PRKAG2: variants seen among roughly 807,000 people sequenced by gnomAD.
The protein encoded by PRKAG2 is protein kinase AMP-activated non-catalytic subunit gamma 2, also known as 5'-AMP-activated protein kinase subunit gamma-2.
Under a neutral mutation model 69.6 loss-of-function variants are expected in PRKAG2, and 26 were observed. The observed-to-expected ratio is 0.37, with a 90% CI of 0.27 to 0.52. PRKAG2 has a LOEUF of 0.52. Ranked by LOEUF, PRKAG2 falls within the 20% of genes least tolerant of loss-of-function variation. PRKAG2 has a pLI of 0.90. For missense variants in PRKAG2, 557 were observed against 740.0 expected (o/e 0.75, Z 2.87); for synonymous variants, 293 against 285.0 (o/e 1.03, Z -0.28).
At chr7:151,760,210 T>C (rs2151755483) in intron 3 of PRKAG2, among the ~76,000 whole-genome samples, 1 of 151,800 alleles carries the variant, frequency 6.6e-6, no homozygotes, top group Middle Eastern at 3.4e-3. Flanking sequence ...CCTGCTTTGC[T>C]TCCTTACTTC....
chr7:151,821,745 T>C (rs1183552557), intron 1 of PRKAG2, among the ~76,000 whole-genome samples: 2 of 152,228 alleles, frequency 1.3e-5, no homozygotes, highest in African/African-American at 2.4e-5. Context: ...ATGCTCTTTT[T>C]CTACAGGTTC....
intron 5 of PRKAG2, among the ~76,000 whole-genome samples, chr7:151,620,623 A>G (rs528129952): frequency 1.3e-5 from 2 of 152,046 alleles, no homozygotes; most frequent in Admixed American, 1.3e-4. Flanking sequence ...GACTACAGGC[A>G]TCCGCTACCA....
intron 3 of PRKAG2, among the ~76,000 whole-genome samples, chr7:151,705,152 G>C (rs1013361373): frequency 6.6e-6 from 1 of 152,204 alleles, no homozygotes; most frequent in East Asian, 1.9e-4. Flanking sequence ...ACTTCCAGCT[G>C]CTCTGAACAG....
chr7:151,799,336 T>A (rs11768953), intron 1 of PRKAG2, among the ~76,000 whole-genome samples: 7 of 152,156 alleles, frequency 4.6e-5, no homozygotes, highest in African/African-American at 1.4e-4. Context: ...TGCTTCTGAC[T>A]TTCTAGCTTG....
Position 151,688,048 on chromosome 7 carries a change from C to CCCCACT in PRKAG2, c.467-12412_467-12411insAGTGGG, listed in dbSNP as rs755123330. Among the ~76,000 whole-genome samples the CCCCACT allele has an allele frequency of 2.1e-5, 3 of 143,896 alleles. 1 individual carries two copies. The highest frequency in any genetic ancestry group is 4.7e-5 in the Non-Finnish European group (3 of 64,146). 94.4% of individuals were successfully genotyped at this position (143,896 alleles called of 152,430 possible). On this transcript the variant is annotated intron_variant, in intron 3 of 15. Coordinates refer to ENST00000287878, the MANE Select transcript of PRKAG2 (RefSeq NM_016203.4). ...AGGAGGAGGAGGAAATGAGGCCCCC[C>CCCCACT]CCCGGGCTCCTTGCTGAGTCAGCAT...
chr7:151,637,286 C>T (rs992355323), intron 4 of PRKAG2, among the ~76,000 whole-genome samples: 1 of 152,102 alleles, frequency 6.6e-6, no homozygotes, highest in Non-Finnish European at 1.5e-5. Context: ...CAGGAAGTAT[C>T]TCTCGTTCTA....
intron 5 of PRKAG2, among the ~76,000 whole-genome samples, chr7:151,621,115 T>C (rs1821389534): frequency 6.6e-6 from 1 of 152,238 alleles, no homozygotes; most frequent in Non-Finnish European, 1.5e-5. Flanking sequence ...CTAGTGTTTG[T>C]TTAGGAGCTT....
intron 1 of PRKAG2, among the ~76,000 whole-genome samples, chr7:151,822,963 C>G (rs2078824197): frequency 6.6e-6 from 1 of 152,192 alleles, no homozygotes; most frequent in Non-Finnish European, 1.5e-5. Context: ...GCCGCCAAGC[C>G]CGGCTCTATC....
At chr7:151,672,409 T>G (rs1300452634) in intron 4 of PRKAG2, among the ~76,000 whole-genome samples, 1 of 152,204 alleles carries the variant, frequency 6.6e-6, no homozygotes, top group Non-Finnish European at 1.5e-5. Flanking sequence ...TTCGAACGAT[T>G]TTCAAGTGTA....
rs1242322455 is a variant in PRKAG2, at chr7:151,632,576, C to G, written c.685-438G>C. On this transcript the variant is annotated intron_variant, in intron 4 of 15. Coordinates refer to ENST00000287878, the MANE Select transcript of PRKAG2 (RefSeq NM_016203.4). The surrounding 1 kb of genome is among the most constrained non-coding windows in gnomAD (Gnocchi z 4.2). ...CGCCCCCCGGCGCCGCTCACCTTCCCAGCACCGGCGGCCGCGCTCGGCAGG... is the reference window on the plus strand; with the variant it reads ...CGCCCCCCGGCGCCGCTCACCTTCCGAGCACCGGCGGCCGCGCTCGGCAGG... 1.0e-6 allele frequency: 1 copy of G among 984,770 alleles called. No homozygotes were observed. Among genetic ancestry groups the G allele is most frequent in the Non-Finnish European group, 1.2e-6 (1 of 829,704 alleles). 61.0% of individuals were successfully genotyped at this position (984,770 alleles called of 1,614,324 possible).
intron 3 of PRKAG2, among the ~76,000 whole-genome samples, chr7:151,682,189 T>C (rs1351069021): frequency 6.6e-6 from 1 of 152,198 alleles, no homozygotes; most frequent in Admixed American, 6.5e-5. Flanking sequence ...TTCTTTTCAA[T>C]GTTGGTATCA....
chr7:151,590,793 G>A (rs6962814), intron 6 of PRKAG2, among the ~76,000 whole-genome samples: 3,864 of 152,344 alleles, frequency 0.025, 138 homozygotes, highest in African/African-American at 0.087. Flanking sequence ...TGCTAGTAAC[G>A]TTAGGACAAA....
At position 151,560,606 on chromosome 7, in the gene PRKAG2, C is replaced by G. The variant is rs1804717541; in HGVS notation, c.1596G>C (p.Leu532=). The change falls in exon 15 of 16, where the codon CTG becomes CTC. Residue 532 remains leucine, a synonymous_variant. Transcript: ENST00000287878. ...TACTATCTGCTTCATTTACCACCAC[C>G]AGCCGATGGACCTGCAAAGAGAAAA... ...DRIVRAEVHR[L]VVVNEADSIV... 2.5e-6 allele frequency: 4 copies of G among 1,614,082 alleles called. No individual in the cohort carries two copies. Among genetic ancestry groups the G allele is most frequent in the Non-Finnish European group, 3.4e-6 (4 of 1,179,950 alleles).
chr7:151,753,434 C>T (rs2151741391), intron 3 of PRKAG2, among the ~76,000 whole-genome samples: 1 of 152,284 alleles, frequency 6.6e-6, no homozygotes, highest in Admixed American at 6.5e-5. Flanking sequence ...TTCATATAAA[C>T]ACACAGTGAG....
At chr7:151,688,383 T>C (rs1835100312) in intron 3 of PRKAG2, among the ~76,000 whole-genome samples, 1 of 152,216 alleles carries the variant, frequency 6.6e-6, no homozygotes, top group Non-Finnish European at 1.5e-5. Context: ...GCCAATTGTC[T>C]GGCAAAGCCG....
At chr7:151,720,669 T>C (rs1287261727) in intron 3 of PRKAG2, among the ~76,000 whole-genome samples, 3 of 30,166 alleles carry the variant, frequency 9.9e-5, no homozygotes, top group South Asian at 1.9e-3. Flanking sequence ...ATGGAGGGGA[T>C]GGAGGGGGAT....
chr7:151,766,635 C>A (rs2075747819), intron 3 of PRKAG2, among the ~76,000 whole-genome samples: 1 of 152,142 alleles, frequency 6.6e-6, no homozygotes, highest in Admixed American at 6.5e-5. Context: ...TAGTGTGTTT[C>A]AAGAAAAAGG....
At chr7:151,745,037 G>C (rs2074185396) in intron 3 of PRKAG2, among the ~76,000 whole-genome samples, 1 of 152,170 alleles carries the variant, frequency 6.6e-6, no homozygotes, top group Non-Finnish European at 1.5e-5. Flanking sequence ...GGGATTGTGG[G>C]GGTCGACACT....
At chr7:151,708,507 A>T (rs1239842580) in intron 3 of PRKAG2, among the ~76,000 whole-genome samples, 1 of 152,242 alleles carries the variant, frequency 6.6e-6, no homozygotes, top group Non-Finnish European at 1.5e-5. Context: ...TTCTCTGTTT[A>T]GCAAAGGAAT....
Sources: gnomAD v4.1 joint callset for allele counts (sites outside exome capture counted in the v4.1 genomes callset) on GRCh38, gnomAD v4.1.1 for gene constraint, Gnocchi (gnomAD v3.1) non-coding constraint, MANE v1.5 for transcripts, NCBI Gene and HGNC (gene_info 2026-07-23, HGNC 2026-07-21) for gene names.